Variants in CLPTM1L observed in about 807,000 individuals in gnomAD.
The protein encoded by CLPTM1L is CLPTM1 like.
Under a neutral mutation model 70.9 loss-of-function variants are expected in CLPTM1L, and 38 were observed. The ratio of observed to expected loss-of-function variants is 0.54; its 90% CI spans 0.41 to 0.70. The LOEUF is 0.70. Among genes scored for constraint, CLPTM1L ranks in the 30% least tolerant of loss-of-function variants. The pLI, the probability that CLPTM1L is intolerant of heterozygous loss-of-function variation, is 0.00. For missense variants in CLPTM1L, 652 were observed against 705.9 expected (o/e 0.92, Z 0.87); for synonymous variants, 339 against 299.9 (o/e 1.13, Z -1.35).
At position 1,321,625 on chromosome 5, in the gene CLPTM1L, T is replaced by C. The variant is rs371890764; in HGVS notation, c.1416+10A>G. 250 of 1,613,198 alleles carry C rather than the reference T, an allele frequency of 1.5e-4. No individual in the cohort carries two copies. Among genetic ancestry groups the C allele is most frequent in the Non-Finnish European group, 2.0e-4 (231 of 1,179,528 alleles). On this transcript the variant is annotated intron_variant, in intron 15 of 16. Coordinates refer to ENST00000320895, the MANE Select transcript of CLPTM1L (RefSeq NM_030782.5). ...GTGAGAAGGGATTCCTCACCGGCTG[T>C]CACACTCACCTTGTAGGTGAAGGCC...
At chr5:1,341,122 C>T (rs775254038) in intron 3 of CLPTM1L, among the ~76,000 whole-genome samples, 2 of 152,236 alleles carry the variant, frequency 1.3e-5, no homozygotes, top group African/African-American at 4.8e-5. Flanking sequence ...TCAGAATTCC[C>T]TTGCTTTATC....
intron 3 of CLPTM1L, among the ~76,000 whole-genome samples, chr5:1,339,333 C>T (rs868856595): frequency 4.1e-4 from 59 of 145,266 alleles, no homozygotes; most frequent in African/African-American, 1.4e-3. Flanking sequence ...GGGTCAGCGC[C>T]CTAACCTGTG....
At chr5:1,340,421 G>A (rs905405591) in intron 3 of CLPTM1L, among the ~76,000 whole-genome samples, 11 of 152,180 alleles carry the variant, frequency 7.2e-5, no homozygotes, top group African/African-American at 2.7e-4. Context: ...TACATCCTAG[G>A]AAGCACTATC....
At position 1,330,286 on chromosome 5, in the gene CLPTM1L, G is replaced by A; in HGVS notation, c.1074C>T (p.Ala358=). 5.0e-6 allele frequency: 8 copies of A among 1,612,544 alleles called. No individual in the cohort carries two copies. The highest frequency in any genetic ancestry group is 2.7e-5 in the African/African-American group (2 of 75,038). ...GTCACTGCCCGGAACTCACCTCAAT[G>A]GCGGCTCCAACACCCGCCGGGACCA... ...LVLVPAGVGA[A]IELWKVKKAL... The change falls in exon 9 of 17, where the codon GCC becomes GCT. Residue 358 remains alanine (A), a synonymous_variant. Coordinates refer to ENST00000320895, the MANE Select transcript of CLPTM1L (RefSeq NM_030782.5).
chr5:1,327,671 A>T (rs1411829604), intron 9 of CLPTM1L, among the ~76,000 whole-genome samples: 3 of 147,938 alleles, frequency 2.0e-5, no homozygotes, highest in Admixed American at 6.7e-5. Flanking sequence ...CATTTCATCC[A>T]GCTCCTCCTC....
intron 7 of CLPTM1L, among the ~76,000 whole-genome samples, chr5:1,333,542 G>A (rs77878634): frequency 1.0e-4 from 15 of 143,772 alleles, no homozygotes; most frequent in African/African-American, 3.5e-4. Context: ...GATAAGGGGG[G>A]ACTACTGTAT....
chr5:1,321,475 C>T (rs1752149872), intron 15 of CLPTM1L, among the ~76,000 whole-genome samples, 160 bp downstream of exon 15: 1 of 149,852 alleles, frequency 6.7e-6, no homozygotes, highest in South Asian at 2.1e-4. Flanking sequence ...TAGCTCTTCG[C>T]TTTTTTTTTT....
Position 1,334,392 on chromosome 5 carries a change from GAA to G in CLPTM1L, c.797-11_797-10del, listed in dbSNP as rs5865369. The G allele has an allele frequency of 6.9e-5, 102 of 1,476,184 alleles. No individual in the cohort carries two copies. The highest frequency in any genetic ancestry group is 9.1e-5 in the Non-Finnish European group (96 of 1,058,946). 91.4% of individuals were successfully genotyped at this position (1,476,184 alleles called of 1,614,324 possible). A position where few individuals can be genotyped will look rare whatever the true frequency, so the allele number is the denominator to read the frequency against. The stretch of plus-strand genomic sequence containing the variant: ...ATCTTTCTCTGAAAACCCTGTCAAG[GAA>G]AAAAAAACATACAATATAAAACAGG... On this transcript the variant is annotated splice_polypyrimidine_tract_variant and intron_variant, in intron 6 of 16. Coordinates refer to ENST00000320895, the MANE Select transcript of CLPTM1L (RefSeq NM_030782.5).
chr5:1,325,455 G>T, intron 10 of CLPTM1L: 2 of 480,404 alleles, frequency 4.2e-6, no homozygotes, highest in South Asian at 6.8e-5. Flanking sequence ...TCTGGACAAG[G>T]TGCCAAAACG....
chr5:1,318,223 G>C lies in CLPTM1L; in HGVS notation c.*146C>G. On this transcript the variant is annotated 3_prime_UTR_variant, in exon 17 of 17. Coordinates refer to ENST00000320895, the MANE Select transcript of CLPTM1L (RefSeq NM_030782.5). This position sits in a 1 kb window ranked among gnomAD's most constrained non-coding sequence, Gnocchi z 8.9. Reference sequence around the variant, plus strand: ...GCGCTACCAGCTCCAAATCTGACGTGATGGGAACTTGGGAGATGTCTGAGA... The same window carrying C: ...GCGCTACCAGCTCCAAATCTGACGTCATGGGAACTTGGGAGATGTCTGAGA... The C allele has an allele frequency of 1.5e-6, 1 of 654,798 alleles. No homozygotes were observed. The highest frequency in any genetic ancestry group is 1.8e-5 in the South Asian group (1 of 54,320). The allele number at this position is 654,798 out of a possible 1,614,324, so 40.6% of individuals were successfully genotyped here.
At chr5:1,322,704 T>C in intron 13 of CLPTM1L, 173 bp downstream of exon 13, 1 of 706,952 alleles carries the variant, frequency 1.4e-6, no homozygotes, top group Non-Finnish European at 2.5e-6. Flanking sequence ...CAGGGCTTTA[T>C]CTGCTCACAG....
At chr5:1,335,278 C>T (rs1386205809) in intron 5 of CLPTM1L, 104 bp from the exon 6 acceptor site, 16 of 891,642 alleles carry the variant, frequency 1.8e-5, no homozygotes, top group Middle Eastern at 2.3e-4. Context: ...CCCTGTGTGG[C>T]CCCAGGTCAG....
At position 1,342,923 on chromosome 5, in the gene CLPTM1L, C is replaced by T. The variant is rs1445849099; in HGVS notation, c.264-1063G>A. Among the ~76,000 whole-genome samples, 1 of 152,196 alleles carries T rather than the reference C, an allele frequency of 6.6e-6. No individual in the cohort carries two copies. The highest frequency in any genetic ancestry group is 1.5e-5 in the Non-Finnish European group (1 of 68,036). The stretch of plus-strand genomic sequence containing the variant: ...AAATCTTACGGTTGGCCGGGTGCGG[C>T]GGCTCACGCCTGTAATCCCAGCACC... On this transcript the variant is annotated intron_variant, in intron 2 of 16. Transcript: ENST00000320895. This position sits in a 1 kb window ranked among gnomAD's most constrained non-coding sequence, Gnocchi z 4.3.
At chr5:1,328,874 A>G (rs1349326981) in intron 9 of CLPTM1L, among the ~76,000 whole-genome samples, 13 of 150,630 alleles carry the variant, frequency 8.6e-5, no homozygotes, top group Non-Finnish European at 1.8e-4. Flanking sequence ...CTCCTCCTCT[A>G]CAGACACATT....
Position 1,344,857 on chromosome 5 carries a change from G to A in CLPTM1L, c.-16C>T, listed in dbSNP as rs760209368. 9.4e-5 allele frequency: 135 copies of A among 1,437,718 alleles called. No individual in the cohort carries two copies. Among genetic ancestry groups the A allele is most frequent in the South Asian group, 5.6e-4 (41 of 72,854 alleles). The allele number at this position is 1,437,718 out of a possible 1,614,324, so 89.1% of individuals were successfully genotyped here. On this transcript the variant is annotated 5_prime_UTR_variant, in exon 1 of 17. Coordinates refer to ENST00000320895, the MANE Select transcript of CLPTM1L (RefSeq NM_030782.5). Reference sequence around the variant, plus strand: ...CGCTCCACATGGCGGCCCCGCGCCCGGCGCCCCCGGCCCGCCCGCCTCTCA... The same window carrying A: ...CGCTCCACATGGCGGCCCCGCGCCCAGCGCCCCCGGCCCGCCCGCCTCTCA...
chr5:1,325,364 AC>A (rs1430824656), intron 10 of CLPTM1L: 1 of 268,164 alleles, frequency 3.7e-6, no homozygotes, highest in Non-Finnish European at 7.0e-6. Flanking sequence ...TGGGGCAGCC[AC>A]CAGCTCAGGG....
At chr5:1,341,968 A>G (rs1753963055) in intron 2 of CLPTM1L, 108 bp from the exon 3 acceptor site, 1 of 900,110 alleles carries the variant, frequency 1.1e-6, no homozygotes, top group South Asian at 1.8e-5. Flanking sequence ...TTAGCTCAGA[A>G]GTACTAAAAA....
chr5:1,343,189 C>CAA (rs751176297), intron 2 of CLPTM1L, among the ~76,000 whole-genome samples: 4 of 138,224 alleles, frequency 2.9e-5, no homozygotes, highest in Admixed American at 7.3e-5. Context: ...GACTCTATCT[C>CAA]AAAAAAAAAA....
In CLPTM1L at chr5:1,318,544, G is replaced by C. The variant is rs1040559763; in HGVS notation, c.1533-91C>G. On this transcript the variant is annotated intron_variant, in intron 16 of 16. Coordinates refer to ENST00000320895, the MANE Select transcript of CLPTM1L (RefSeq NM_030782.5). This position sits in a 1 kb window ranked among gnomAD's most constrained non-coding sequence, Gnocchi z 8.9. ...CTTGGCATCCTCGATTTATTTTCCA[G>C]TGAGCTGCCACAGTGAGCAAATTAA... 4 of 1,048,618 alleles carry C rather than the reference G, an allele frequency of 3.8e-6. No homozygotes were observed. The highest frequency in any genetic ancestry group is 5.9e-6 in the Non-Finnish European group (4 of 682,790). The allele number at this position is 1,048,618 out of a possible 1,614,324, so 65.0% of individuals were successfully genotyped here.
Sources: allele counts gnomAD v4.1 joint callset (sites outside exome capture counted in the v4.1 genomes callset), GRCh38; gene constraint gnomAD v4.1.1; non-coding constraint Gnocchi (gnomAD v3.1); transcripts MANE v1.5; gene names NCBI Gene and HGNC (gene_info 2026-07-23, HGNC 2026-07-21).